The following ARLN variants were observed in gnomAD, a reference collection of about 807,000 sequenced individuals.
ARLN encodes the protein sarcoplasmic/endoplasmic reticulum calcium ATPase regulator ARLN.
chr4:119,296,760 T>TA, the ARLN span: 1 of 152,218 alleles, frequency 6.6e-6, no homozygotes, highest in Admixed American at 6.5e-5. Context: ...ATTCAAATGC[T>TA]AATCTCTTCT....
At chr4:119,300,560 C>T in the ARLN span, 19 of 1,614,046 alleles carry the variant, frequency 1.2e-5, no homozygotes, top group Middle Eastern at 1.6e-4. Flanking sequence ...TTCGTAACAA[C>T]CCTAGAAACC....
the ARLN span, chr4:119,296,523 G>T: frequency 6.6e-6 from 1 of 152,162 alleles, no homozygotes; most frequent in Admixed American, 6.5e-5. Flanking sequence ...AAAGCCAATG[G>T]TGTAGTTCCA....
the ARLN span, chr4:119,300,796 C>G: frequency 2.1e-6 from 3 of 1,447,264 alleles, no homozygotes; most frequent in Non-Finnish European, 2.7e-6. Flanking sequence ...TTCTGCCTCG[C>G]GGCGTCCCAG....
At chr4:119,302,104 C>T in the ARLN span, among the ~76,000 whole-genome samples, 44 of 152,248 alleles carry the variant, frequency 2.9e-4, 1 homozygote, top group East Asian at 4.2e-3. Flanking sequence ...GCATTCTTCT[C>T]GCTGACAAGG....
chr4:119,302,079 C>T, the ARLN span, among the ~76,000 whole-genome samples: 61 of 152,324 alleles, frequency 4.0e-4, no homozygotes, highest in African/African-American at 1.4e-3. Flanking sequence ...ACAATTGCCT[C>T]TACCAGAGAT....
At chr4:119,303,060 AAT>A in the ARLN span, among the ~76,000 whole-genome samples, 1 of 152,056 alleles carries the variant, frequency 6.6e-6, no homozygotes, top group Non-Finnish European at 1.5e-5. Flanking sequence ...TTCATCTGGA[AAT>A]ATATGTGTTT....
At chr4:119,297,272 T>C in the ARLN span, 1 of 152,210 alleles carries the variant, frequency 6.6e-6, no homozygotes, top group Admixed American at 6.5e-5. Context: ...TGACTAACCC[T>C]AAGAACGATT....
At chr4:119,303,362 G>A in the ARLN span, among the ~76,000 whole-genome samples, 1 of 151,666 alleles carries the variant, frequency 6.6e-6, no homozygotes, top group South Asian at 2.1e-4. Context: ...AGCCTCCTGA[G>A]TAGCTGGGAT....
the ARLN span, among the ~76,000 whole-genome samples, chr4:119,299,367 C>T: frequency 6.6e-6 from 1 of 152,198 alleles, no homozygotes; most frequent in Admixed American, 6.5e-5. Context: ...GAAGTGACTG[C>T]CTATCAAGAA....
the ARLN span, chr4:119,297,423 C>G: frequency 6.6e-6 from 1 of 152,218 alleles, no homozygotes; most frequent in South Asian, 2.1e-4. Flanking sequence ...TCTACCATTC[C>G]TCATGTAAAG....
the ARLN span, chr4:119,300,740 T>G: frequency 9.9e-6 from 15 of 1,509,164 alleles, no homozygotes; most frequent in South Asian, 2.5e-5. Context: ...ACCGCTGGCA[T>G]GAAGCGCGGC....
the ARLN span, chr4:119,300,681 A>G: frequency 6.5e-7 from 1 of 1,538,182 alleles, no homozygotes; most frequent in Non-Finnish European, 8.7e-7. Flanking sequence ...CTCTGAACCT[A>G]CTCTTCCCAG....
the ARLN span, chr4:119,304,335 G>A: frequency 1.2e-3 from 1,826 of 1,536,976 alleles, 26 homozygotes; most frequent in African/African-American, 0.022. Flanking sequence ...GATCAAGGCA[G>A]TGAATGAAGT....
At chr4:119,300,626 T>A in the ARLN span, 1 of 1,591,310 alleles carries the variant, frequency 6.3e-7, no homozygotes, top group Non-Finnish European at 8.5e-7. Flanking sequence ...CTGAGCGGAG[T>A]CCGGCCGCCT....
the ARLN span, chr4:119,304,163 G>T: frequency 3.2e-6 from 3 of 942,442 alleles, no homozygotes; most frequent in Non-Finnish European, 3.1e-6. Flanking sequence ...ATCCTTCAGG[G>T]CCCCACTTAA....
the ARLN span, chr4:119,296,766 C>G: frequency 6.6e-6 from 1 of 152,200 alleles, no homozygotes; most frequent in Non-Finnish European, 1.5e-5. Context: ...ATGCTAATCT[C>G]TTCTGGAAAC....
At chr4:119,300,071 C>A in the ARLN span, among the ~76,000 whole-genome samples, 1 of 151,962 alleles carries the variant, frequency 6.6e-6, no homozygotes. Flanking sequence ...GCTGCAGGAA[C>A]TCAAGCCTAG....
chr4:119,300,422 C>A, the ARLN span: 3 of 1,613,956 alleles, frequency 1.9e-6, no homozygotes, highest in Admixed American at 3.3e-5. Context: ...GTTTGGGAAG[C>A]CCATTTGCCC....
the ARLN span, chr4:119,300,645 C>T: frequency 1.3e-6 from 2 of 1,571,880 alleles, no homozygotes; most frequent in African/African-American, 1.4e-5. Context: ...CTGCGCAGTG[C>T]GCCGCGCCCC....
Sources: allele counts gnomAD v4.1 joint callset (sites outside exome capture counted in the v4.1 genomes callset), GRCh38; gene constraint gnomAD v4.1.1; transcripts MANE v1.5; gene names NCBI Gene and HGNC (gene_info 2026-07-23, HGNC 2026-07-21).